Variants in AKAP19 observed in about 807,000 individuals in gnomAD.
AKAP19 encodes small A-kinase anchoring protein.
the AKAP19 span, among the ~76,000 whole-genome samples, chr2:189,949,750 G>C: frequency 2.0e-5 from 3 of 148,860 alleles, no homozygotes; most frequent in Non-Finnish European, 4.4e-5. Context: ...TCCTGCCTCA[G>C]CCTCACGAGT....
chr2:189,913,723 G>A, the AKAP19 span, among the ~76,000 whole-genome samples: 3 of 152,038 alleles, frequency 2.0e-5, no homozygotes, highest in Non-Finnish European at 4.4e-5. Context: ...TAATTTTGAT[G>A]CTCTTTGCAG....
chr2:190,094,252 G>T, the AKAP19 span, among the ~76,000 whole-genome samples: 11 of 152,096 alleles, frequency 7.2e-5, no homozygotes, highest in African/African-American at 2.4e-4. Flanking sequence ...ATTTTTAAAG[G>T]TTTTTTTAAA....
chr2:189,966,312 A>T, the AKAP19 span, among the ~76,000 whole-genome samples: 1 of 151,992 alleles, frequency 6.6e-6, no homozygotes, highest in African/African-American at 2.4e-5. Flanking sequence ...AACAAATACC[A>T]CCTGTTCCCC....
At chr2:190,103,368 G>T in the AKAP19 span, among the ~76,000 whole-genome samples, 1 of 152,134 alleles carries the variant, frequency 6.6e-6, no homozygotes, top group Non-Finnish European at 1.5e-5. Context: ...AAAATCAAAA[G>T]CATCCAAATA....
chr2:189,961,202 C>T, the AKAP19 span, among the ~76,000 whole-genome samples: 4 of 152,286 alleles, frequency 2.6e-5, no homozygotes, highest in South Asian at 4.1e-4. Context: ...GGAACCCACA[C>T]CCGTGTTCTT....
chr2:189,909,205 A>G, the AKAP19 span, among the ~76,000 whole-genome samples: 143 of 151,550 alleles, frequency 9.4e-4, no homozygotes, highest in African/African-American at 3.3e-3. Flanking sequence ...CCATTTGCAT[A>G]TAATATATAT....
chr2:189,923,721 G>T, the AKAP19 span: 1 of 1,613,604 alleles, frequency 6.2e-7, no homozygotes, highest in Admixed American at 1.7e-5. Context: ...TACCCAGCAC[G>T]TGTACCTCCT....
At chr2:190,188,926 A>G in the AKAP19 span, among the ~76,000 whole-genome samples, 1 of 152,192 alleles carries the variant, frequency 6.6e-6, no homozygotes, top group Non-Finnish European at 1.5e-5. Flanking sequence ...AATTAGGGCA[A>G]CTGCACCTTC....
At chr2:190,054,500 TA>T in the AKAP19 span, among the ~76,000 whole-genome samples, 1 of 152,012 alleles carries the variant, frequency 6.6e-6, no homozygotes, top group Non-Finnish European at 1.5e-5. Flanking sequence ...GGAATCTAAT[TA>T]AAGAGCTTCT....
chr2:189,990,252 C>A, the AKAP19 span, among the ~76,000 whole-genome samples: 1 of 151,800 alleles, frequency 6.6e-6, no homozygotes, highest in Non-Finnish European at 1.5e-5. Context: ...ATGATTTTAC[C>A]CTTGAGTGTT....
the AKAP19 span, among the ~76,000 whole-genome samples, chr2:189,969,117 C>T: frequency 6.6e-6 from 1 of 152,100 alleles, no homozygotes; most frequent in Admixed American, 6.5e-5. Context: ...CTTTCTTGCC[C>T]AGATCCAACT....
At chr2:190,058,470 T>A in the AKAP19 span, among the ~76,000 whole-genome samples, 1 of 152,014 alleles carries the variant, frequency 6.6e-6, no homozygotes, top group Non-Finnish European at 1.5e-5. Flanking sequence ...AATATCATTT[T>A]GGGAGTCATT....
At chr2:190,016,519 A>G in the AKAP19 span, among the ~76,000 whole-genome samples, 1 of 152,184 alleles carries the variant, frequency 6.6e-6, no homozygotes, top group Non-Finnish European at 1.5e-5. Context: ...TCAAGAGGAG[A>G]TTTGGATGGG....
chr2:190,037,664 T>C, the AKAP19 span, among the ~76,000 whole-genome samples: 40 of 152,336 alleles, frequency 2.6e-4, no homozygotes, highest in Admixed American at 7.2e-4. Context: ...GCTCAGCTAA[T>C]ACCCAAGTTG....
At chr2:190,017,978 T>A in the AKAP19 span, among the ~76,000 whole-genome samples, 1 of 152,212 alleles carries the variant, frequency 6.6e-6, no homozygotes, top group Non-Finnish European at 1.5e-5. Flanking sequence ...TCCTGCTCTC[T>A]CATGGTCTGT....
the AKAP19 span, among the ~76,000 whole-genome samples, chr2:190,172,993 C>T: frequency 6.6e-6 from 1 of 151,942 alleles, no homozygotes; most frequent in Non-Finnish European, 1.5e-5. Context: ...TGGGCACCTG[C>T]AATCTCAGCT....
chr2:189,919,706 T>C, the AKAP19 span, among the ~76,000 whole-genome samples: 8 of 152,170 alleles, frequency 5.3e-5, no homozygotes, highest in Non-Finnish European at 1.2e-4. Flanking sequence ...CATGCCCCTG[T>C]ATAGGACATG....
the AKAP19 span, among the ~76,000 whole-genome samples, chr2:190,011,928 C>T: frequency 6.6e-6 from 1 of 151,530 alleles, no homozygotes; most frequent in Non-Finnish European, 1.5e-5. Context: ...TTTTTTGGTT[C>T]TATATGAATT....
the AKAP19 span, among the ~76,000 whole-genome samples, chr2:190,041,953 A>T: frequency 2.0e-5 from 3 of 152,150 alleles, no homozygotes; most frequent in African/African-American, 7.2e-5. Flanking sequence ...ATCAGTGTTC[A>T]TCAAAGATAT....
Sources: gnomAD v4.1 joint callset for allele counts (sites outside exome capture counted in the v4.1 genomes callset) on GRCh38, gnomAD v4.1.1 for gene constraint, MANE v1.5 for transcripts, NCBI Gene and HGNC (gene_info 2026-07-23, HGNC 2026-07-21) for gene names.